Variants in ACOXL observed in about 807,000 individuals in gnomAD.
ACOXL encodes acyl-CoA oxidase like.
A neutral mutation model predicts 71.9 loss-of-function variants in ACOXL; 70 were observed. The observed-to-expected ratio is 0.97, with a 90% CI of 0.80 to 1.19. The LOEUF is 1.19. ACOXL is among the 50% of genes most tolerant of loss of function. The pLI is 0.00. For missense variants in ACOXL, 703 were observed against 736.3 expected (o/e 0.95, Z 0.52); for synonymous variants, 253 against 281.6 (o/e 0.90, Z 1.02).
intron 10 of ACOXL, among the ~76,000 whole-genome samples, chr2:110,862,584 C>T (rs780859257): frequency 7.9e-5 from 12 of 152,176 alleles, no homozygotes; most frequent in African/African-American, 1.4e-4. Context: ...CTAGCTGAGA[C>T]GCAGAGGTTG....
intron 12 of ACOXL, among the ~76,000 whole-genome samples, chr2:110,969,466 A>C (rs1327050929): frequency 6.6e-6 from 1 of 152,174 alleles, no homozygotes; most frequent in African/African-American, 2.4e-5. Context: ...TCAAATCACC[A>C]ATATCAGGAA....
intron 10 of ACOXL, among the ~76,000 whole-genome samples, chr2:110,867,209 G>A (rs1304055029): frequency 6.6e-6 from 1 of 152,174 alleles, no homozygotes; most frequent in Non-Finnish European, 1.5e-5. Context: ...GTGGACAGGA[G>A]TGAAGCTTGG....
At chr2:111,049,860 C>G (rs1332199982) in intron 16 of ACOXL, among the ~76,000 whole-genome samples, 1 of 148,238 alleles carries the variant, frequency 6.7e-6, no homozygotes, top group Non-Finnish European at 1.5e-5. Flanking sequence ...GAGGCATTTC[C>G]AAATGGTATA....
In ACOXL at chr2:110,741,321, T is replaced by C. The variant is rs528880275; in HGVS notation, c.-23+8547T>C. 1.2e-3 allele frequency among the ~76,000 whole-genome samples: 183 copies of C among 152,268 alleles called. 2 individuals are homozygous for C. Among genetic ancestry groups the C allele is most frequent in the Non-Finnish European group, 1.5e-3 (104 of 68,010 alleles). ...TGTCAGTGGGTGTCGGCAGGGTTGG[T>C]TGCTTCTGAGGGCTGCAAGGGAGAA... On this transcript the variant is annotated intron_variant, in intron 1 of 17. Coordinates refer to ENST00000439055, the MANE Select transcript of ACOXL (RefSeq NM_001142807.4).
At chr2:110,855,066 G>A (rs1693071861) in intron 10 of ACOXL, among the ~76,000 whole-genome samples, 1 of 152,090 alleles carries the variant, frequency 6.6e-6, no homozygotes, top group Non-Finnish European at 1.5e-5. Flanking sequence ...AGTGTAGGTA[G>A]GAAAAAAGGA....
intron 10 of ACOXL, among the ~76,000 whole-genome samples, chr2:110,865,403 C>T (rs533194839): frequency 4.6e-5 from 7 of 152,270 alleles, no homozygotes; most frequent in African/African-American, 1.7e-4. Context: ...TTGCATTTCT[C>T]GATCTTTGAA....
At chr2:111,020,995 T>C (rs2064730920) in intron 14 of ACOXL, among the ~76,000 whole-genome samples, 1 of 152,182 alleles carries the variant, frequency 6.6e-6, no homozygotes, top group Non-Finnish European at 1.5e-5. Flanking sequence ...CACTTTGGCA[T>C]TGTGTTTTTC....
At chr2:111,043,225 C>T (rs1354884522) in intron 15 of ACOXL, among the ~76,000 whole-genome samples, 1 of 152,068 alleles carries the variant, frequency 6.6e-6, no homozygotes, top group Non-Finnish European at 1.5e-5. Flanking sequence ...GGAGGTCCCC[C>T]GAGGGCCAGC....
rs1397334475 is a variant in ACOXL at position 110,962,285 on chromosome 2, A to G, written c.1060-24823A>G. The stretch of plus-strand genomic sequence containing the variant: ...TATGCGGAAATCACTCTGCGGCAGG[A>G]CCGCACTTTATCGGAACCTGCTTTC... On this transcript the variant is annotated intron_variant, in intron 12 of 17. Coordinates refer to ENST00000439055, the MANE Select transcript of ACOXL (RefSeq NM_001142807.4). Among the ~76,000 whole-genome samples the G allele has an allele frequency of 5.9e-5, 9 of 152,342 alleles. No individual in the cohort carries two copies. The East Asian group carries it at 1.7e-3, about 29-fold the overall frequency.
intron 2 of ACOXL, among the ~76,000 whole-genome samples, chr2:110,781,962 A>G (rs766965420): frequency 7.9e-5 from 12 of 152,240 alleles, no homozygotes; most frequent in Non-Finnish European, 1.3e-4. Context: ...CTACAAAGAA[A>G]GGGGAGTATT....
chr2:110,891,557 G>C (rs950292511), intron 10 of ACOXL, among the ~76,000 whole-genome samples: 8 of 151,642 alleles, frequency 5.3e-5, no homozygotes, highest in African/African-American at 1.9e-4. Context: ...GGGTAAGGTG[G>C]GGAGTGTAAT....
intron 9 of ACOXL, 28 bp downstream of exon 9, chr2:110,805,423 AT>A: frequency 4.3e-6 from 7 of 1,613,922 alleles, no homozygotes; most frequent in Non-Finnish European, 5.9e-6. Flanking sequence ...TAACTTAATT[AT>A]CTACTGTGAA....
intron 12 of ACOXL, among the ~76,000 whole-genome samples, chr2:110,942,626 C>T (rs564228951): frequency 2.6e-5 from 4 of 152,102 alleles, no homozygotes; most frequent in African/African-American, 9.6e-5. Flanking sequence ...TGGTTCACAC[C>T]TGTAATCCCA....
intron 1 of ACOXL, among the ~76,000 whole-genome samples, chr2:110,763,339 A>G (rs1680643632): frequency 1.3e-5 from 2 of 152,264 alleles, no homozygotes; most frequent in African/African-American, 4.8e-5. Context: ...GAACAGACAA[A>G]TGGATCAATG....
intron 1 of ACOXL, among the ~76,000 whole-genome samples, chr2:110,755,273 C>G (rs1679516927): frequency 6.6e-6 from 1 of 152,214 alleles, no homozygotes; most frequent in South Asian, 2.1e-4. Flanking sequence ...GGGCCGCTGC[C>G]TGCAGCCTGA....
chr2:110,777,679 A>C (rs1359255312), intron 2 of ACOXL, among the ~76,000 whole-genome samples: 1 of 152,196 alleles, frequency 6.6e-6, no homozygotes, highest in Non-Finnish European at 1.5e-5. Flanking sequence ...GAGTGCATCC[A>C]TCACAGGACA....
intron 2 of ACOXL, among the ~76,000 whole-genome samples, chr2:110,772,433 C>T (rs1682068040): frequency 6.6e-6 from 1 of 152,168 alleles, no homozygotes; most frequent in South Asian, 2.1e-4. Context: ...AAAATTGTTC[C>T]CATTAAGCAT....
At chr2:110,841,328 T>A in intron 9 of ACOXL, 43 bp from the exon 10 acceptor site, 1 of 1,496,580 alleles carries the variant, frequency 6.7e-7, no homozygotes, top group Non-Finnish European at 9.2e-7. Context: ...TTCTGCATAC[T>A]CTTGATATTA....
intron 14 of ACOXL, among the ~76,000 whole-genome samples, chr2:111,004,099 A>C (rs1004479471): frequency 1.3e-5 from 2 of 152,240 alleles, no homozygotes; most frequent in South Asian, 2.1e-4. Context: ...TGACCCAAAC[A>C]GAGTCTGGGC....
Sources: allele counts gnomAD v4.1 joint callset (sites outside exome capture counted in the v4.1 genomes callset), GRCh38; gene constraint gnomAD v4.1.1; transcripts MANE v1.5; gene names NCBI Gene and HGNC (gene_info 2026-07-23, HGNC 2026-07-21).